Variants in ROBO2 observed in about 807,000 individuals in gnomAD.
The protein encoded by ROBO2 is roundabout homolog 2.
ROBO2 carries 53 observed loss-of-function variants against 160.8 expected under a neutral mutation model. The ratio of observed to expected loss-of-function variants is 0.33; its 90% confidence interval spans 0.26 to 0.41. The LOEUF is 0.41. Ranked by LOEUF, ROBO2 falls within the 10% of genes least tolerant of loss-of-function variation. ROBO2 has a pLI of 1.00. For missense variants in ROBO2, 1,577 were observed against 1,722.4 expected (o/e 0.92, Z 1.49); for synonymous variants, 664 against 611.7 (o/e 1.09, Z -1.26).
chr3:77,076,426 GT>G (rs1019831884), intron 1 of ROBO2, among the ~76,000 whole-genome samples: 2 of 151,884 alleles, frequency 1.3e-5, no homozygotes, highest in African/African-American at 2.4e-5. Context: ...AACAGTTTAT[GT>G]TTTTTTCTTT....
intron 1 of ROBO2, among the ~76,000 whole-genome samples, chr3:75,908,461 TG>T (rs1661734966): frequency 2.7e-4 from 1 of 3,708 alleles, no homozygotes; most frequent in Non-Finnish European, 5.6e-4. Flanking sequence ...ATGTAGAGAC[TG>T]TGTCACAGAA....
At chr3:76,498,683 C>CTT (rs71101892) in intron 2 of ROBO2, among the ~76,000 whole-genome samples, 5,830 of 130,808 alleles carry the variant, frequency 0.045, 234 homozygotes, top group African/African-American at 0.072. Flanking sequence ...AGTTTGTCTG[C>CTT]TTTTTTTTTT....
At chr3:77,121,925 A>C (rs1336444816) in intron 2 of ROBO2, among the ~76,000 whole-genome samples, 4 of 152,114 alleles carry the variant, frequency 2.6e-5, no homozygotes, top group Non-Finnish European at 5.9e-5. Flanking sequence ...TATTATTATT[A>C]TTCTTTTTGA....
rs1216159432 is a variant in ROBO2 at position 77,514,255 on chromosome 3, A to C, written c.807-8520A>C. ...AATGCTAAATGCAATTAAAAGCAAA[A>C]TATAAATACCTTTGATTGTTTAATA... On this transcript the variant is annotated intron_variant, in intron 5 of 25. Transcript: ENST00000461745. Among the ~76,000 whole-genome samples the C allele has an allele frequency of 3.3e-5, 5 of 151,818 alleles. No individual in the cohort carries two copies. In the South Asian group the frequency reaches 1.0e-3, roughly 31 times the overall value.
chr3:76,051,889 G>A (rs1223807684), intron 2 of ROBO2, among the ~76,000 whole-genome samples: 1 of 151,902 alleles, frequency 6.6e-6, no homozygotes, highest in African/African-American at 2.4e-5. Flanking sequence ...GAGTTTTGAA[G>A]AGATATTTTT....
At chr3:76,034,963 C>A (rs574455417) in intron 2 of ROBO2, among the ~76,000 whole-genome samples, 1 of 152,024 alleles carries the variant, frequency 6.6e-6, no homozygotes, top group Admixed American at 6.5e-5. Flanking sequence ...TCCCACCTCC[C>A]AGAAAACTTG....
At chr3:76,580,328 GTTTTTTTTTTT>G (rs2085594475) in intron 2 of ROBO2, among the ~76,000 whole-genome samples, 1 of 67,326 alleles carries the variant, frequency 1.5e-5, no homozygotes, top group African/African-American at 7.1e-5. Context: ...TTTTTTTTTT[GTTTTTTTTTTT>G]GTGTTTTTTT....
intron 2 of ROBO2, among the ~76,000 whole-genome samples, chr3:77,011,548 T>C (rs1355776284): frequency 1.3e-5 from 2 of 151,854 alleles, no homozygotes; most frequent in Admixed American, 6.6e-5. Flanking sequence ...CAAGTGATTA[T>C]AGGGTAAGGG....
chr3:76,286,006 T>C (rs1266935178), intron 2 of ROBO2, among the ~76,000 whole-genome samples: 2 of 152,162 alleles, frequency 1.3e-5, no homozygotes, highest in African/African-American at 4.8e-5. Flanking sequence ...TTCTGGACAC[T>C]TAGGTAGGCA....
intron 2 of ROBO2, among the ~76,000 whole-genome samples, chr3:76,751,604 A>T (rs2060653675): frequency 6.6e-6 from 1 of 152,190 alleles, no homozygotes; most frequent in South Asian, 2.1e-4. Flanking sequence ...GAGAAAATCA[A>T]ACAACCCCAT....
At chr3:75,991,114 G>C (rs1290348994) in intron 2 of ROBO2, among the ~76,000 whole-genome samples, 1 of 152,094 alleles carries the variant, frequency 6.6e-6, no homozygotes, top group Non-Finnish European at 1.5e-5. Context: ...GGACTGGTTG[G>C]TCTCCCTAGC....
intron 2 of ROBO2, among the ~76,000 whole-genome samples, chr3:77,205,003 C>T (rs928437860): frequency 5.3e-5 from 8 of 152,220 alleles, no homozygotes; most frequent in Admixed American, 1.3e-4. Context: ...GTGCAGGAGC[C>T]GGGCGGGGCA....
In ROBO2 at chr3:76,144,988, T is replaced by G. The variant is rs1329463620; in HGVS notation, c.109+207386T>G. 2.6e-5 allele frequency among the ~76,000 whole-genome samples: 4 copies of G among 152,004 alleles called. No individual in the cohort carries two copies. The South Asian group carries it at 8.3e-4, about 31-fold the overall frequency. On this transcript the variant is annotated intron_variant, in intron 2 of 26. Coordinates refer to the ROBO2 transcript ENST00000487694. ...CAGCTGTGGCTTAAAAAAAAAAGCA[T>G]TGTCTACTGTACACTTTTATTCAAG...
intron 2 of ROBO2, among the ~76,000 whole-genome samples, chr3:76,669,500 G>T (rs2092181148): frequency 6.6e-6 from 1 of 152,106 alleles, no homozygotes; most frequent in African/African-American, 2.4e-5. Flanking sequence ...CAGTGTAAAG[G>T]TTCTATCAGT....
At chr3:77,026,614 C>T (rs1386256168) in intron 2 of ROBO2, among the ~76,000 whole-genome samples, 1 of 152,150 alleles carries the variant, frequency 6.6e-6, no homozygotes, top group Non-Finnish European at 1.5e-5. Flanking sequence ...TGAAATCCTT[C>T]GAAATATCTT....
chr3:76,817,428 A>G (rs2065769318), intron 2 of ROBO2, among the ~76,000 whole-genome samples: 1 of 152,146 alleles, frequency 6.6e-6, no homozygotes, highest in East Asian at 1.9e-4. Context: ...CAGAGCTGTG[A>G]CTGCAAACCA....
chr3:77,370,486 T>C (rs1380491796), intron 2 of ROBO2, among the ~76,000 whole-genome samples: 1 of 152,162 alleles, frequency 6.6e-6, no homozygotes, highest in Non-Finnish European at 1.5e-5. Context: ...GTGCTGCAGC[T>C]TTTTGCTGCC....
chr3:76,578,406 T>C (rs1189765884), intron 2 of ROBO2, among the ~76,000 whole-genome samples: 1 of 152,148 alleles, frequency 6.6e-6, no homozygotes, highest in Non-Finnish European at 1.5e-5. Flanking sequence ...ACAGGCTGGC[T>C]TCACCTCTCA....
At chr3:76,191,619 A>G (rs1481789127) in intron 2 of ROBO2, among the ~76,000 whole-genome samples, 1 of 152,162 alleles carries the variant, frequency 6.6e-6, no homozygotes, top group East Asian at 1.9e-4. Flanking sequence ...GCATTATAAA[A>G]TTAATTTCCT....
Sources: gnomAD v4.1 joint callset for allele counts (sites outside exome capture counted in the v4.1 genomes callset) on GRCh38, gnomAD v4.1.1 for gene constraint, MANE v1.5 for transcripts, NCBI Gene and HGNC (gene_info 2026-07-23, HGNC 2026-07-21) for gene names.